The following CHST11 variants were observed in gnomAD, a reference collection of about 807,000 sequenced individuals.
CHST11 encodes the protein C4S-1.
CHST11 carries 9 observed loss-of-function variants against 30.4 expected under a neutral mutation model. The ratio of observed to expected loss-of-function variants is 0.30; its 90% confidence interval spans 0.18 to 0.52. The LOEUF (loss-of-function observed/expected upper bound fraction) is 0.52. Among genes scored for constraint, CHST11 ranks in the 20% least tolerant of loss-of-function variants. The pLI is 0.97. For synonymous variants in CHST11, 152 were observed against 187.8 expected, an observed-to-expected ratio of 0.81 and a Z score of 1.56; for missense variants, 348 against 460.6, an observed-to-expected ratio of 0.76 and a Z score of 2.24.
intron 1 of CHST11, among the ~76,000 whole-genome samples, chr12:104,513,138 T>TGGGGGGGGGGGGGGGGGGGGGG (rs1565969843): frequency 1.2e-3 from 4 of 3,334 alleles, no homozygotes; most frequent in African/African-American, 4.1e-3. Context: ...GGGGGGGGGG[T>TGGGGGGGGGGGGGGGGGGGGGG]TGGGGGTGGG....
chr12:104,480,227 C>T (rs1016157665), intron 1 of CHST11, among the ~76,000 whole-genome samples: 1 of 152,034 alleles, frequency 6.6e-6, no homozygotes, highest in African/African-American at 2.4e-5. Context: ...CATGTTCTTC[C>T]TGGAACCTCA....
intron 2 of CHST11, among the ~76,000 whole-genome samples, chr12:104,700,023 A>G (rs914667400): frequency 2.6e-5 from 4 of 152,242 alleles, no homozygotes; most frequent in Non-Finnish European, 5.9e-5. Flanking sequence ...CAGGACTACT[A>G]TAATTATTCA....
intron 1 of CHST11, among the ~76,000 whole-genome samples, chr12:104,482,301 G>T (rs2037632360): frequency 1.3e-5 from 2 of 151,596 alleles, no homozygotes; most frequent in South Asian, 4.2e-4. Context: ...AGGCTGCTCT[G>T]CCACCTGGGG....
At chr12:104,752,603 T>C (rs942173090) in intron 2 of CHST11, among the ~76,000 whole-genome samples, 1 of 152,172 alleles carries the variant, frequency 6.6e-6, no homozygotes, top group Non-Finnish European at 1.5e-5. Context: ...TCGCGGCTCA[T>C]TGCAACCTCC....
chr12:104,561,837 C>T (rs924574502), intron 1 of CHST11, among the ~76,000 whole-genome samples: 1 of 150,514 alleles, frequency 6.6e-6, no homozygotes, highest in African/African-American at 2.5e-5. Context: ...AGTCGCCAGG[C>T]TGGAGTGCAG....
chr12:104,510,296 C>G (rs1016610111), intron 1 of CHST11, among the ~76,000 whole-genome samples: 1 of 152,180 alleles, frequency 6.6e-6, no homozygotes, highest in African/African-American at 2.4e-5. Context: ...CCATTTCATG[C>G]AATATTGGCT....
At chr12:104,639,976 A>G (rs983763395) in intron 2 of CHST11, among the ~76,000 whole-genome samples, 3 of 152,262 alleles carry the variant, frequency 2.0e-5, no homozygotes, top group African/African-American at 7.2e-5. Context: ...ATAAGAAAGG[A>G]TGCTCTACAT....
At chr12:104,670,885 CACACACAT>C (rs1274745220) in intron 2 of CHST11, among the ~76,000 whole-genome samples, 160 of 136,314 alleles carry the variant, frequency 1.2e-3, no homozygotes, top group African/African-American at 4.3e-3. Context: ...CCAACAGAAA[CACACACAT>C]ACATACATGC....
intron 2 of CHST11, among the ~76,000 whole-genome samples, chr12:104,723,241 G>A (rs1238086806): frequency 6.6e-6 from 1 of 152,170 alleles, no homozygotes; most frequent in Admixed American, 6.5e-5. Context: ...ACAGCTGTGA[G>A]CCCTTTGTTT....
intron 2 of CHST11, among the ~76,000 whole-genome samples, chr12:104,721,049 A>G (rs1431752535): frequency 6.6e-6 from 1 of 152,158 alleles, no homozygotes; most frequent in Non-Finnish European, 1.5e-5. Context: ...AGGAAGACTC[A>G]TGACTTCCCT....
At chr12:104,463,861 G>A (rs2037432765) in intron 1 of CHST11, among the ~76,000 whole-genome samples, 1 of 152,114 alleles carries the variant, frequency 6.6e-6, no homozygotes, top group Admixed American at 6.6e-5. Context: ...GGTGGTCAGA[G>A]TGCCCAGAGC....
chr12:104,578,969 T>G (rs1353953887), intron 1 of CHST11, among the ~76,000 whole-genome samples: 1 of 152,210 alleles, frequency 6.6e-6, no homozygotes, highest in African/African-American at 2.4e-5. Flanking sequence ...AGGGCCTATT[T>G]TGGGCCTGGT....
At chr12:104,621,525 G>A (rs957640611) in intron 2 of CHST11, among the ~76,000 whole-genome samples, 1 of 152,210 alleles carries the variant, frequency 6.6e-6, no homozygotes, top group South Asian at 2.1e-4. Flanking sequence ...AGATTATCCT[G>A]GATTATCCGG....
intron 2 of CHST11, among the ~76,000 whole-genome samples, chr12:104,689,541 G>A (rs1048360457): frequency 1.3e-5 from 2 of 152,134 alleles, no homozygotes; most frequent in African/African-American, 2.4e-5. Flanking sequence ...CTATAATTAC[G>A]TGATTAATCA....
intron 1 of CHST11, among the ~76,000 whole-genome samples, chr12:104,556,581 G>A (rs1265730554): frequency 6.6e-6 from 1 of 152,150 alleles, no homozygotes; most frequent in South Asian, 2.1e-4. Flanking sequence ...TCCCTGGCCC[G>A]TAGACACGTC....
chr12:104,513,123 T>TGGTGGGGGGGGGGGGGGGGGGGGGGG (rs1555229062), intron 1 of CHST11, among the ~76,000 whole-genome samples: 2 of 3,390 alleles, frequency 5.9e-4, no homozygotes, highest in Admixed American at 2.6e-3. Context: ...ATGTCATGAC[T>TGGTGGGGGGGGGGGGGGGGGGGGGGG]GGGGGGGGGG....
intron 2 of CHST11, among the ~76,000 whole-genome samples, chr12:104,669,056 C>T (rs2136093639): frequency 6.6e-6 from 1 of 152,336 alleles, no homozygotes; most frequent in South Asian, 2.1e-4. Context: ...GGAACACGGC[C>T]CCCAGGCACT....
At chr12:104,738,481 A>G (rs539952255) in intron 2 of CHST11, among the ~76,000 whole-genome samples, 1 of 152,334 alleles carries the variant, frequency 6.6e-6, no homozygotes, top group East Asian at 1.9e-4. Context: ...GCTTAATAAA[A>G]GCAGTGAACA....
At chr12:104,593,917 T>G (rs768026810) in intron 1 of CHST11, among the ~76,000 whole-genome samples, 4 of 152,232 alleles carry the variant, frequency 2.6e-5, no homozygotes, top group Admixed American at 6.5e-5. Context: ...TTGGCTAAGG[T>G]AATTAAACCA....
Sources: gnomAD v4.1 joint callset for allele counts (sites outside exome capture counted in the v4.1 genomes callset) on GRCh38, gnomAD v4.1.1 for gene constraint, MANE v1.5 for transcripts, NCBI Gene and HGNC (gene_info 2026-07-23, HGNC 2026-07-21) for gene names.